ADAMTS2: variants seen among roughly 807,000 people sequenced by gnomAD.
ADAMTS2 encodes A disintegrin and metalloproteinase with thrombospondin motifs 2.
A neutral mutation model predicts 123.0 loss-of-function variants in ADAMTS2; 50 were observed. The observed-to-expected ratio is 0.41, with a 90% confidence interval of 0.32 to 0.51. The LOEUF is 0.51. Ranked by LOEUF, ADAMTS2 falls within the 20% of genes least tolerant of loss-of-function variation. The pLI is 0.35. For synonymous variants in ADAMTS2, 678 were observed against 695.4 expected (o/e 0.98, Z 0.39); for missense variants, 1,494 against 1,705.2 (o/e 0.88, Z 2.18).
At chr5:179,329,154 C>G (rs528888667) in intron 2 of ADAMTS2, among the ~76,000 whole-genome samples, 18 of 151,962 alleles carry the variant, frequency 1.2e-4, no homozygotes, top group Non-Finnish European at 1.5e-4. Flanking sequence ...GGTGAAACCC[C>G]GTCTCTACTA....
At chr5:179,209,671 G>A (rs1412579554) in intron 3 of ADAMTS2, among the ~76,000 whole-genome samples, 2 of 152,042 alleles carry the variant, frequency 1.3e-5, no homozygotes, top group African/African-American at 4.8e-5. Context: ...CAGGCCTGCG[G>A]GCAGGGCTGT....
intron 4 of ADAMTS2, among the ~76,000 whole-genome samples, chr5:179,192,720 C>T (rs1270646201): frequency 6.6e-6 from 1 of 152,206 alleles, no homozygotes; most frequent in Non-Finnish European, 1.5e-5. Context: ...GGAAGTTTCC[C>T]TTGCTCTGAA....
intron 8 of ADAMTS2, 104 bp downstream of exon 8, chr5:179,153,945 C>A: frequency 6.8e-7 from 1 of 1,465,932 alleles, no homozygotes. Flanking sequence ...CTTAGAGGAC[C>A]TGAGGTCGGA....
At chr5:179,139,391 G>C (rs951492187) in intron 11 of ADAMTS2, among the ~76,000 whole-genome samples, 1 of 152,104 alleles carries the variant, frequency 6.6e-6, no homozygotes, top group African/African-American at 2.4e-5. Context: ...TGGGGCCTGC[G>C]TGGCGGGTGG....
rs1756943277 is a variant in ADAMTS2 at position 179,314,938 on chromosome 5, C to T, written c.534+28829G>A. ...AGTAACTCTCTTTCCTGACATTAAG[C>T]GACTCCCCTCCCAGAGCCTAATCAC... is the stretch of plus-strand genomic sequence containing the variant. On this transcript the variant is annotated intron_variant, in intron 2 of 21. Transcript: ENST00000251582. This position sits in a 1 kb window ranked among gnomAD's most constrained non-coding sequence, Gnocchi z 4.5. 6.6e-6 allele frequency among the ~76,000 whole-genome samples: 1 copy of T among 152,120 alleles called. No individual in the cohort carries two copies. The highest frequency in any genetic ancestry group is 6.5e-5 in the Admixed American group (1 of 15,278).
chr5:179,190,924 T>A (rs1289350495), intron 4 of ADAMTS2, among the ~76,000 whole-genome samples: 3 of 152,266 alleles, frequency 2.0e-5, no homozygotes, highest in East Asian at 1.9e-4. Context: ...GAGGGGCTGC[T>A]GTGCCCAGGC....
intron 3 of ADAMTS2, among the ~76,000 whole-genome samples, chr5:179,259,782 GA>G (rs775775462): frequency 5.9e-5 from 9 of 152,340 alleles, no homozygotes; most frequent in Admixed American, 4.6e-4. Flanking sequence ...GGCCTGGAAG[GA>G]AGGGAGCCCG....
intron 2 of ADAMTS2, among the ~76,000 whole-genome samples, chr5:179,311,798 T>C (rs541040407): frequency 6.6e-6 from 1 of 152,176 alleles, no homozygotes; most frequent in African/African-American, 2.4e-5. Context: ...TCGCCCGTGC[T>C]GTATTCGGAG....
At position 179,197,469 on chromosome 5, in the gene ADAMTS2, G is replaced by A. The variant is rs1485052303; in HGVS notation, c.891+10044C>T. On this transcript the variant is annotated intron_variant, in intron 4 of 21. Transcript: ENST00000251582. This position sits in a 1 kb window ranked among gnomAD's most constrained non-coding sequence, Gnocchi z 4.2. ...TCTGTAGCCAGGCGTGGTGGCTCGT[G>A]CCTGTGATCCCAGCTACTCAGGAAG... 6.6e-6 allele frequency among the ~76,000 whole-genome samples: 1 copy of A among 152,180 alleles called. No individual in the cohort carries two copies. The highest frequency in any genetic ancestry group is 1.5e-5 in the Non-Finnish European group (1 of 68,040).
chr5:179,173,135 C>T (rs1283277788), intron 5 of ADAMTS2, among the ~76,000 whole-genome samples: 1 of 151,284 alleles, frequency 6.6e-6, no homozygotes, highest in East Asian at 1.9e-4. Context: ...TCCCTTGAGC[C>T]CAAGAGATGG....
chr5:179,328,254 G>A (rs1041398184), intron 2 of ADAMTS2, among the ~76,000 whole-genome samples: 6 of 152,176 alleles, frequency 3.9e-5, no homozygotes, highest in African/African-American at 7.2e-5. Flanking sequence ...GGATGGTCTC[G>A]ATTTCCTGAC....
chr5:179,195,402 G>C (rs1764403625), intron 4 of ADAMTS2, among the ~76,000 whole-genome samples: 1 of 152,240 alleles, frequency 6.6e-6, no homozygotes, highest in Admixed American at 6.5e-5. Context: ...CCACACACCA[G>C]ACTTGTCCTG....
chr5:179,124,264 T>C lies in ADAMTS2; in HGVS notation c.2958+709A>G, dbSNP rs530606483. Among the ~76,000 whole-genome samples, 55 of 152,298 alleles carry C rather than the reference T, an allele frequency of 3.6e-4. No individual in the cohort carries two copies. The South Asian group carries it at 8.9e-3, about 25-fold the overall frequency. ...CAGCTCTGCCAGCGTGGGCCCTGCA[T>C]GTGACCGGGCTGTCAGAGCTCACGT... On this transcript the variant is annotated intron_variant, in intron 19 of 21. Coordinates refer to ENST00000251582, the MANE Select transcript of ADAMTS2 (RefSeq NM_014244.5).
chr5:179,295,016 A>G (rs1351720459), intron 2 of ADAMTS2, among the ~76,000 whole-genome samples: 1 of 152,156 alleles, frequency 6.6e-6, no homozygotes, highest in Non-Finnish European at 1.5e-5. Flanking sequence ...GCGGGTTCCC[A>G]CTGGCCGCAT....
intron 5 of ADAMTS2, among the ~76,000 whole-genome samples, chr5:179,176,699 G>T (rs1763937690): frequency 6.6e-6 from 1 of 152,228 alleles, no homozygotes; most frequent in Non-Finnish European, 1.5e-5. Context: ...GCACACAGGA[G>T]CCAGTGATCT....
Position 179,312,374 on chromosome 5 carries a change from G to C in ADAMTS2, c.534+31393C>G, listed in dbSNP as rs79369597. Among the ~76,000 whole-genome samples the C allele has an allele frequency of 3.1e-3, 468 of 152,222 alleles. 1 individual carries two copies. Among genetic ancestry groups the C allele is most frequent in the African/African-American group, 0.011 (441 of 41,516 alleles). On this transcript the variant is annotated intron_variant, in intron 2 of 21. Transcript: ENST00000251582. The surrounding 1 kb of genome is among the most constrained non-coding windows in gnomAD (Gnocchi z 4.2). ...TTATGTCACCAGATTCCATCCACACGAATGGGATTTGTGCCCCGATCAGAG... is the reference window on the plus strand; with the variant it reads ...TTATGTCACCAGATTCCATCCACACCAATGGGATTTGTGCCCCGATCAGAG...
chr5:179,119,884 G>C (rs1348530500), intron 21 of ADAMTS2, among the ~76,000 whole-genome samples: 2 of 152,154 alleles, frequency 1.3e-5, no homozygotes, highest in East Asian at 3.9e-4. Context: ...CCTCCATATA[G>C]AACCTAGATA....
chr5:179,137,795 TG>T lies in ADAMTS2; in HGVS notation c.1924del (p.His642ThrfsTer29). ...LYFEHGDAQHHWLPHEHRDAK... is the reference protein window; with the variant it reads ...LYFEHGDAQHXWLPHEHRDAK... The stretch of plus-strand genomic sequence containing the variant: ...ATCCCGGTGCTCGTGGGGCAGCCAG[TG>T]GTGCTGGGCGTCGCCGTGCTCGAAG... On this transcript the variant is annotated frameshift_variant, in exon 12 of 22. Coordinates refer to ENST00000251582, the MANE Select transcript of ADAMTS2 (RefSeq NM_014244.5). LOFTEE classifies it high-confidence loss of function. 6.3e-7 allele frequency: 1 copy of T among 1,577,426 alleles called. No homozygotes were observed. The highest frequency in any genetic ancestry group is 8.6e-7 in the Non-Finnish European group (1 of 1,164,086).
chr5:179,330,838 C>G (rs1757460555), intron 2 of ADAMTS2, among the ~76,000 whole-genome samples: 1 of 152,238 alleles, frequency 6.6e-6, no homozygotes, highest in South Asian at 2.1e-4. Context: ...GGAGGATGCT[C>G]TGGCAGGGCA....
Sources: gnomAD v4.1 joint callset for allele counts (sites outside exome capture counted in the v4.1 genomes callset) on GRCh38, gnomAD v4.1.1 for gene constraint, Gnocchi (gnomAD v3.1) non-coding constraint, MANE v1.5 for transcripts, NCBI Gene and HGNC (gene_info 2026-07-23, HGNC 2026-07-21) for gene names.